Variants in SNX3 observed in about 807,000 individuals in gnomAD.
SNX3 encodes the protein sorting nexin 3, also known as sorting nexin-3.
A neutral mutation model predicts 17.7 loss-of-function variants in SNX3; 5 were observed. The ratio of observed to expected loss-of-function variants is 0.28; its 90% CI spans 0.15 to 0.59. SNX3 has a LOEUF of 0.59. Ranked by LOEUF, SNX3 falls within the 20% of genes least tolerant of loss-of-function variation. The pLI, the probability that SNX3 is intolerant of heterozygous loss-of-function variation, is 0.88. For synonymous variants in SNX3, 91 were observed against 76.5 expected (o/e 1.19, Z -0.99); for missense variants, 132 against 206.8 (o/e 0.64, Z 2.22).
intron 1 of SNX3, among the ~76,000 whole-genome samples, chr6:108,236,138 C>G (rs1389812781): frequency 6.6e-6 from 1 of 152,036 alleles, no homozygotes; most frequent in African/African-American, 2.4e-5. Context: ...TAATTGAAGA[C>G]TGAGTTGCTC....
intron 2 of SNX3, among the ~76,000 whole-genome samples, chr6:108,216,236 CGCCTG>C (rs372034878): frequency 0.011 from 1,718 of 152,268 alleles, 28 homozygotes; most frequent in African/African-American, 0.039. Context: ...CGTGCTACCA[CGCCTG>C]GCTAATTTTT....
intron 1 of SNX3, among the ~76,000 whole-genome samples, chr6:108,228,201 T>G (rs967812479): frequency 3.3e-5 from 5 of 152,096 alleles, no homozygotes; most frequent in Non-Finnish European, 1.5e-5. Context: ...TCACAGGAGT[T>G]TGAGACCAGG....
At chr6:108,235,036 G>A (rs542208916) in intron 1 of SNX3, among the ~76,000 whole-genome samples, 15 of 152,318 alleles carry the variant, frequency 9.8e-5, no homozygotes, top group Admixed American at 8.5e-4. Flanking sequence ...AGAATGAGAA[G>A]GAACACTGCA....
At chr6:108,239,022 T>C (rs1775439265) in intron 1 of SNX3, among the ~76,000 whole-genome samples, 1 of 151,906 alleles carries the variant, frequency 6.6e-6, no homozygotes, top group Admixed American at 6.6e-5. Context: ...TATGTCAGCC[T>C]CCCGAGTAGC....
intron 2 of SNX3, among the ~76,000 whole-genome samples, chr6:108,221,532 CTTTTTTTTT>C (rs554429322): frequency 3.1e-4 from 18 of 57,774 alleles, no homozygotes; most frequent in East Asian, 7.1e-4. Flanking sequence ...CAGTATTACA[CTTTTTTTTT>C]TTTTTTTTTT....
At chr6:108,249,187 CTG>C (rs1229713418) in intron 1 of SNX3, among the ~76,000 whole-genome samples, 1 of 152,124 alleles carries the variant, frequency 6.6e-6, no homozygotes, top group East Asian at 1.9e-4. Flanking sequence ...TAGTGAGATT[CTG>C]TCTCTTAAAA....
intron 1 of SNX3, among the ~76,000 whole-genome samples, chr6:108,250,468 T>C (rs1775819199): frequency 6.6e-6 from 1 of 152,192 alleles, no homozygotes. Flanking sequence ...CCTTGCTCTA[T>C]TTAAACTCCT....
At chr6:108,229,919 T>C (rs1043998945) in intron 1 of SNX3, among the ~76,000 whole-genome samples, 3 of 152,052 alleles carry the variant, frequency 2.0e-5, no homozygotes, top group Non-Finnish European at 4.4e-5. Context: ...ATGATAGCTA[T>C]GAACAGAAAA....
At chr6:108,250,528 T>G (rs1396271256) in intron 1 of SNX3, among the ~76,000 whole-genome samples, 1 of 152,148 alleles carries the variant, frequency 6.6e-6, no homozygotes, top group South Asian at 2.1e-4. Flanking sequence ...AATCTTTGGG[T>G]GTAAATTTAA....
chr6:108,257,263 A>C (rs1776058003), intron 1 of SNX3, among the ~76,000 whole-genome samples: 1 of 152,246 alleles, frequency 6.6e-6, no homozygotes, highest in African/African-American at 2.4e-5. Context: ...TCATGCCTGT[A>C]ATTCCAACAC....
At chr6:108,248,659 A>G (rs1775761793) in intron 1 of SNX3, among the ~76,000 whole-genome samples, 1 of 152,234 alleles carries the variant, frequency 6.6e-6, no homozygotes, top group Non-Finnish European at 1.5e-5. Flanking sequence ...TAAGCATATC[A>G]ACATAATCTG....
intron 1 of SNX3, among the ~76,000 whole-genome samples, chr6:108,228,848 A>C (rs487467): frequency 0.7 from 105,793 of 151,828 alleles, 37,249 homozygotes; most frequent in East Asian, 0.98. Context: ...ACAAAAAAAA[A>C]CCCCAAAAAA....
intron 1 of SNX3, among the ~76,000 whole-genome samples, chr6:108,257,918 C>T (rs868368240): frequency 6.6e-6 from 1 of 151,552 alleles, no homozygotes; most frequent in Non-Finnish European, 1.5e-5. Context: ...GAGCCAAGAT[C>T]GCGCCACTGC....
intron 2 of SNX3, chr6:108,222,194 T>C: frequency 1.5e-6 from 2 of 1,301,684 alleles, no homozygotes; most frequent in Non-Finnish European, 2.0e-6. Context: ...AGCCTTCATC[T>C]AGTTCAGGAC....
chr6:108,222,545 G>A (rs761587461), intron 2 of SNX3, among the ~76,000 whole-genome samples: 4 of 152,124 alleles, frequency 2.6e-5, no homozygotes, highest in Non-Finnish European at 4.4e-5. Flanking sequence ...TCTGTTACAT[G>A]AACATATATG....
intron 1 of SNX3, among the ~76,000 whole-genome samples, chr6:108,257,991 G>A (rs565180635): frequency 5.9e-5 from 9 of 152,106 alleles, no homozygotes; most frequent in Admixed American, 4.6e-4. Context: ...AATAAAAAAA[G>A]AAAGAAATCC....
Position 108,216,180 on chromosome 6 carries a change from C to G in SNX3, c.259-1558G>C, listed in dbSNP as rs141051483. 3.8e-3 allele frequency among the ~76,000 whole-genome samples: 580 copies of G among 152,248 alleles called. 6 individuals are homozygous for G. Among genetic ancestry groups the G allele is most frequent in the African/African-American group, 0.013 (560 of 41,548 alleles). On this transcript the variant is annotated intron_variant, in intron 2 of 3. Coordinates refer to ENST00000230085, the MANE Select transcript of SNX3 (RefSeq NM_003795.6). ...CAGCCTCCCCCAGACTCAGATGATCCTCCTGCATCAGCCTCCCAAATAGCC... is the reference window on the plus strand; with the variant it reads ...CAGCCTCCCCCAGACTCAGATGATCGTCCTGCATCAGCCTCCCAAATAGCC...
chr6:108,248,941 C>G (rs1248337354), intron 1 of SNX3, among the ~76,000 whole-genome samples: 1 of 152,092 alleles, frequency 6.6e-6, no homozygotes, highest in Admixed American at 6.6e-5. Context: ...ACAAGAGAGA[C>G]AGAGTTTGTA....
intron 1 of SNX3, among the ~76,000 whole-genome samples, chr6:108,255,307 C>T (rs376320915): frequency 6.7e-4 from 102 of 152,282 alleles, no homozygotes; most frequent in African/African-American, 2.3e-3. Context: ...TACATAGATT[C>T]TGCAGATGTC....
Sources: allele counts gnomAD v4.1 joint callset (sites outside exome capture counted in the v4.1 genomes callset), GRCh38; gene constraint gnomAD v4.1.1; transcripts MANE v1.5; gene names NCBI Gene and HGNC (gene_info 2026-07-23, HGNC 2026-07-21).